Variants in AP3S1 observed in about 807,000 individuals in gnomAD.
The protein encoded by AP3S1 is AP-3 complex subunit sigma-1.
AP3S1 carries 12 observed loss-of-function variants against 21.3 expected under a neutral mutation model. The observed-to-expected ratio is 0.56, with a 90% CI of 0.36 to 0.91. AP3S1 has a LOEUF of 0.91. Ranked by LOEUF, AP3S1 falls within the 40% of genes least tolerant of loss-of-function variation. AP3S1 has a pLI of 0.01. For synonymous variants in AP3S1, 48 were observed against 78.4 expected, an observed-to-expected ratio of 0.61 and a Z score of 2.05; for missense variants, 116 against 225.0, an observed-to-expected ratio of 0.52 and a Z score of 3.10.
intron 1 of AP3S1, among the ~76,000 whole-genome samples, chr5:115,849,945 G>A (rs958627767): frequency 1.3e-5 from 2 of 152,074 alleles, no homozygotes. Flanking sequence ...CTCCAGTTCT[G>A]TATAGCCTCT....
chr5:115,855,057 A>ATCTC (rs1184521017), intron 1 of AP3S1, among the ~76,000 whole-genome samples: 5 of 150,276 alleles, frequency 3.3e-5, no homozygotes, highest in African/African-American at 1.2e-4. Flanking sequence ...CTATCTATCT[A>ATCTC]TCTATCTCTG....
chr5:115,870,172 C>A, intron 3 of AP3S1, 44 bp downstream of exon 3: 4 of 1,248,224 alleles, frequency 3.2e-6, no homozygotes, highest in Non-Finnish European at 4.5e-6. Context: ...AACAGTTTGA[C>A]ATTTAAATTT....
Position 115,903,009 on chromosome 5 carries a change from C to A in AP3S1, c.453+17C>A, listed in dbSNP as rs1459918688. On this transcript the variant is annotated intron_variant, in intron 5 of 5. Coordinates refer to ENST00000316788, the MANE Select transcript of AP3S1 (RefSeq NM_001284.4). The stretch of plus-strand genomic sequence containing the variant: ...AAATCTGAGGTAAGAATGGAAAATG[C>A]TGTAGTTAAGAAGGTTCTAAGCATG... 3 of 1,571,134 alleles carry A rather than the reference C, an allele frequency of 1.9e-6. No individual in the cohort carries two copies. Among genetic ancestry groups the A allele is most frequent in the Non-Finnish European group, 2.6e-6 (3 of 1,143,080 alleles).
intron 3 of AP3S1, among the ~76,000 whole-genome samples, chr5:115,871,484 C>G (rs959498714): frequency 2.6e-5 from 4 of 152,152 alleles, no homozygotes; most frequent in Non-Finnish European, 5.9e-5. Flanking sequence ...ACTGTAACCC[C>G]TCCATAATCT....
At chr5:115,903,024 T>C in intron 5 of AP3S1, 32 bp downstream of exon 5, 1 of 1,474,466 alleles carries the variant, frequency 6.8e-7, no homozygotes. Context: ...GTTAAGAAGG[T>C]TCTAAGCATG....
chr5:115,913,673 T>C lies in AP3S1; in HGVS notation c.*183T>C. The C allele has an allele frequency of 8.9e-7, 1 of 1,117,666 alleles. No homozygotes were observed. The highest frequency in any genetic ancestry group is 1.2e-6 in the Non-Finnish European group (1 of 816,722). The allele number at this position is 1,117,666 out of a possible 1,614,324, so 69.2% of individuals were successfully genotyped here. On this transcript the variant is annotated 3_prime_UTR_variant, in exon 6 of 6. Coordinates refer to ENST00000316788, the MANE Select transcript of AP3S1 (RefSeq NM_001284.4). The stretch of plus-strand genomic sequence containing the variant: ...GTTCAATGTTGCTGTTCTTGCTCAG[T>C]GATTTTAAAGAAATTGAGTAGTTCC...
At position 115,869,342 on chromosome 5, in the gene AP3S1, G is replaced by A. The variant is rs139909871; in HGVS notation, c.162-675G>A. ...AAGTGTCATTCTTCTTTTTTTTCTG[G>A]TTGATAATCAGTCTTAAGCTGTGTA... On this transcript the variant is annotated intron_variant, in intron 2 of 5. Transcript: ENST00000316788. 5.1e-3 allele frequency among the ~76,000 whole-genome samples: 768 copies of A among 152,014 alleles called. 2 individuals are homozygous for A. Among genetic ancestry groups the A allele is most frequent in the South Asian group, 6.8e-3 (33 of 4,818 alleles).
chr5:115,869,883 C>G, intron 2 of AP3S1, 134 bp from the exon 3 acceptor site: 1 of 516,368 alleles, frequency 1.9e-6, no homozygotes, highest in South Asian at 2.7e-5. Flanking sequence ...TGAATAAGTT[C>G]ACTTAAATAC....
intron 3 of AP3S1, among the ~76,000 whole-genome samples, chr5:115,882,570 A>G (rs1749395680): frequency 6.6e-6 from 1 of 152,146 alleles, no homozygotes; most frequent in African/African-American, 2.4e-5. Flanking sequence ...CTTCCTCTGG[A>G]AGGTTCGTCC....
chr5:115,896,940 T>G, intron 4 of AP3S1, among the ~76,000 whole-genome samples: 1 of 151,484 alleles, frequency 6.6e-6, no homozygotes, highest in East Asian at 1.9e-4. Flanking sequence ...AAGAGTAAGG[T>G]TCTTATATTT....
At chr5:115,895,990 A>C (rs1750726208) in intron 4 of AP3S1, among the ~76,000 whole-genome samples, 1 of 152,158 alleles carries the variant, frequency 6.6e-6, no homozygotes, top group Non-Finnish European at 1.5e-5. Flanking sequence ...TTCCACTTTC[A>C]CTATGTGCAG....
Position 115,866,681 on chromosome 5 carries a change from A to T in AP3S1, c.81A>T (p.Thr27=). Residue 27 remains threonine (T), a synonymous_variant, in exon 2 of 6, where the codon ACA becomes ACT. Coordinates refer to ENST00000316788, the MANE Select transcript of AP3S1 (RefSeq NM_001284.4). The part of the protein sequence containing the change: ...SKFYQPYSED[T]QQQIIRETFH... ...TTATTCTTCCTCAGAGTGAAGATACACAACAGCAAATCATCAGGGAGACTT... is the reference window on the plus strand; with the variant it reads ...TTATTCTTCCTCAGAGTGAAGATACTCAACAGCAAATCATCAGGGAGACTT... 1 of 1,600,458 alleles carries T rather than the reference A, an allele frequency of 6.2e-7. No individual in the cohort carries two copies. The highest frequency in any genetic ancestry group is 8.5e-7 in the Non-Finnish European group (1 of 1,170,434).
In AP3S1 at chr5:115,909,527, C is replaced by G. The variant is rs1751927632; in HGVS notation, c.454-3835C>G. 2.6e-5 allele frequency among the ~76,000 whole-genome samples: 4 copies of G among 152,234 alleles called. No individual in the cohort carries two copies. The South Asian group carries it at 8.3e-4, about 32-fold the overall frequency. Reference sequence around the variant, plus strand: ...ATTCTTTTATATACTGTACTTCATTCTTTCATCCAGTTCATATTCTTAACT... The same window carrying G: ...ATTCTTTTATATACTGTACTTCATTGTTTCATCCAGTTCATATTCTTAACT... On this transcript the variant is annotated intron_variant, in intron 5 of 5. Transcript: ENST00000316788.
At chr5:115,870,750 C>G (rs975393822) in intron 3 of AP3S1, among the ~76,000 whole-genome samples, 1 of 152,182 alleles carries the variant, frequency 6.6e-6, no homozygotes, top group Non-Finnish European at 1.5e-5. Context: ...ATAGTCATCA[C>G]TCATCTCCAT....
chr5:115,903,543 A>G (rs1751392511), intron 5 of AP3S1: 1 of 152,836 alleles, frequency 6.5e-6, no homozygotes, highest in Non-Finnish European at 1.5e-5. Flanking sequence ...TTTCACTGAC[A>G]AGTTAGTTAA....
intron 3 of AP3S1, among the ~76,000 whole-genome samples, chr5:115,894,304 G>A (rs1750560534): frequency 6.6e-6 from 1 of 152,226 alleles, no homozygotes; most frequent in Admixed American, 6.5e-5. Flanking sequence ...ATGCCTGCAT[G>A]ACTGACCTTG....
intron 4 of AP3S1, among the ~76,000 whole-genome samples, chr5:115,902,091 A>G (rs1039245996): frequency 5.3e-5 from 8 of 152,340 alleles, no homozygotes; most frequent in African/African-American, 1.9e-4. Flanking sequence ...CTCAAGGGCT[A>G]CAAGTAATAA....
At chr5:115,903,578 A>G (rs1444159517) in intron 5 of AP3S1, 2 of 152,634 alleles carry the variant, frequency 1.3e-5, no homozygotes, top group South Asian at 2.1e-4. Context: ...ACATTAGTAC[A>G]TATATATCCA....
At chr5:115,890,957 A>G (rs1396845364) in intron 3 of AP3S1, among the ~76,000 whole-genome samples, 2 of 152,140 alleles carry the variant, frequency 1.3e-5, no homozygotes, top group African/African-American at 2.4e-5. Context: ...ACTCTCTCCA[A>G]AAAGTTAATA....
Sources: gnomAD v4.1 joint callset for allele counts (sites outside exome capture counted in the v4.1 genomes callset) on GRCh38, gnomAD v4.1.1 for gene constraint, MANE v1.5 for transcripts, NCBI Gene and HGNC (gene_info 2026-07-23, HGNC 2026-07-21) for gene names.